The following TBC1D2B variants were observed in gnomAD, a reference collection of about 807,000 sequenced individuals.
TBC1D2B encodes the protein TBC1 domain family, member 2B.
In TBC1D2B, 64 loss-of-function variants were observed where a neutral mutation model predicts 100.8. That is an observed-to-expected ratio of 0.64 (90% CI 0.52 to 0.78). The LOEUF (loss-of-function observed/expected upper bound fraction) is 0.78, where lower values mean the gene tolerates loss of function less well. Ranked by LOEUF, TBC1D2B falls within the 30% of genes least tolerant of loss-of-function variation. The pLI, the probability that TBC1D2B is intolerant of heterozygous loss-of-function variation, is 0.00. For synonymous variants in TBC1D2B, 480 were observed against 479.7 expected (o/e 1.00, Z -0.01); for missense variants, 1,052 against 1,218.4 (o/e 0.86, Z 2.03).
chr15:77,999,719 C>T (rs1194368442), intron 12 of TBC1D2B, among the ~76,000 whole-genome samples: 7 of 152,186 alleles, frequency 4.6e-5, no homozygotes, highest in East Asian at 1.9e-4. Flanking sequence ...CTGCAGAACA[C>T]GAGCCCGAAG....
At chr15:78,047,691 A>G (rs1421211813) in intron 2 of TBC1D2B, among the ~76,000 whole-genome samples, 3 of 152,230 alleles carry the variant, frequency 2.0e-5, no homozygotes, top group African/African-American at 7.2e-5. Context: ...TACTTTCTCC[A>G]TCAGGACACT....
chr15:77,995,494 C>T lies in TBC1D2B; in HGVS notation c.*2666G>A, dbSNP rs556075602. ...GTCAGGGCCAGAGGGAAAAGCAACT[C>T]GGAGGCTGAGGCTGGCACAGATACA... On this transcript the variant is annotated 3_prime_UTR_variant, in exon 13 of 13. Transcript: ENST00000300584. 2.1e-3 allele frequency: 315 copies of T among 152,276 alleles called. No homozygotes were observed. The highest frequency in any genetic ancestry group is 7.1e-3 in the African/African-American group (295 of 41,464). The allele number at this position is 152,276 out of a possible 1,614,324, so 9.4% of individuals were successfully genotyped here. A position where few individuals can be genotyped will look rare whatever the true frequency, so the allele number is the denominator to read the frequency against.
At chr15:78,028,260 A>C (rs2072721998) in intron 4 of TBC1D2B, among the ~76,000 whole-genome samples, 1 of 152,184 alleles carries the variant, frequency 6.6e-6, no homozygotes, top group Non-Finnish European at 1.5e-5. Context: ...AAATCACCTG[A>C]GGTCAAGAGT....
intron 1 of TBC1D2B, among the ~76,000 whole-genome samples, chr15:78,075,511 A>C (rs1323982252): frequency 6.6e-6 from 1 of 152,200 alleles, no homozygotes; most frequent in Non-Finnish European, 1.5e-5. Flanking sequence ...AAACTGATAG[A>C]GTTCTACAGT....
intron 3 of TBC1D2B, among the ~76,000 whole-genome samples, chr15:78,034,053 G>A (rs1157373585): frequency 6.6e-6 from 1 of 152,126 alleles, no homozygotes; most frequent in Non-Finnish European, 1.5e-5. Context: ...GGACCAACAC[G>A]GAGCTGGTAA....
At chr15:78,044,755 A>T in intron 3 of TBC1D2B, 145 bp downstream of exon 3, 2 of 745,552 alleles carry the variant, frequency 2.7e-6, no homozygotes, top group Non-Finnish European at 4.2e-6. Context: ...AGCTAAAACC[A>T]CAATGATCTA....
rs2071765967 is a variant in TBC1D2B at position 77,996,605 on chromosome 15, CAGTGAAACATTAGTGGAGTTGGTTAA to C, written c.*1529_*1554del. Reference sequence around the variant, plus strand: ...AATATAGAGGCCAGCTCCGTCTACCCAGTGAAACATTAGTGGAGTTGGTTAAAGACACGAAGCCGGAGCTCACTCTA... The same window carrying C: ...AATATAGAGGCCAGCTCCGTCTACCCAGACACGAAGCCGGAGCTCACTCTA... On this transcript the variant is annotated 3_prime_UTR_variant, in exon 13 of 13. Transcript: ENST00000300584. The C allele has an allele frequency of 6.6e-6, 1 of 152,252 alleles. No individual in the cohort carries two copies. Among genetic ancestry groups the C allele is most frequent in the African/African-American group, 2.4e-5 (1 of 41,454 alleles). 9.4% of individuals were successfully genotyped at this position (152,252 alleles called of 1,614,324 possible).
intron 1 of TBC1D2B, among the ~76,000 whole-genome samples, chr15:78,074,110 G>A (rs765368622): frequency 2.0e-5 from 3 of 146,576 alleles, no homozygotes; most frequent in Admixed American, 6.8e-5. Flanking sequence ...TGCAACCTCC[G>A]CCTCCCGGGT....
At chr15:78,010,253 C>T (rs1488420230) in intron 9 of TBC1D2B, among the ~76,000 whole-genome samples, 1 of 152,118 alleles carries the variant, frequency 6.6e-6, no homozygotes, top group African/African-American at 2.4e-5. Context: ...CTTTGTTGTT[C>T]ATAACGGAAA....
At chr15:78,077,261 C>G in intron 1 of TBC1D2B, 32 bp downstream of exon 1, 1 of 1,405,294 alleles carries the variant, frequency 7.1e-7, no homozygotes, top group Non-Finnish European at 9.2e-7. Context: ...CCGGCGGAAG[C>G]GCGCGGGCGG....
intron 3 of TBC1D2B, among the ~76,000 whole-genome samples, chr15:78,040,855 G>GAAGGAAGGAAGAAAGAAAGAAAGA (rs71447186): frequency 8.8e-4 from 66 of 74,732 alleles, no homozygotes; most frequent in East Asian, 4.8e-3. Flanking sequence ...AGAAAGAAAG[G>GAAGGAAGGAAGAAAGAAAGAAAGA]AAGAAAGAAA....
At chr15:78,029,024 G>T (rs11638311) in intron 4 of TBC1D2B, among the ~76,000 whole-genome samples, 76,398 of 151,834 alleles carry the variant, frequency 0.5, 20,130 homozygotes, top group East Asian at 0.63. Flanking sequence ...AGGATTTATT[G>T]TAACTGTAAA....
intron 3 of TBC1D2B, among the ~76,000 whole-genome samples, chr15:78,042,546 C>T (rs1364138511): frequency 6.6e-6 from 1 of 152,160 alleles, no homozygotes; most frequent in Non-Finnish European, 1.5e-5. Context: ...AAGCCCAATA[C>T]TTTGAAACAG....
At chr15:78,009,923 C>T (rs920475072) in intron 9 of TBC1D2B, among the ~76,000 whole-genome samples, 3 of 147,568 alleles carry the variant, frequency 2.0e-5, no homozygotes, top group Admixed American at 6.9e-5. Context: ...TGCAGTGAGC[C>T]GAGATAGCTC....
Position 77,998,244 on chromosome 15 carries a change from C to A in TBC1D2B, c.2808G>T (p.Glu936Asp), listed in dbSNP as rs780065774. 2.5e-6 allele frequency: 4 copies of A among 1,593,568 alleles called. No homozygotes were observed. The highest frequency in any genetic ancestry group is 3.4e-6 in the Non-Finnish European group (4 of 1,171,034). ...EKVRLELTEL[E>D]AIREDFLRER... ...CACGCAGGAAGTCCTCACGGATGGC[C>A]TCCAGCTCGGTCAGCTCCAGCCGGA... Residue 936 changes from glutamate to aspartate, a missense_variant, in exon 13 of 13, where the codon GAG (glutamate) becomes GAT (aspartate). Physicochemically the swap from Glu to Asp is conservative, Grantham distance 45. Around this residue, in one of 4 missense-constraint regions of TBC1D2B, gnomAD observed 47 missense variants for 88.3 expected, o/e 0.53. Transcript: ENST00000300584.
In TBC1D2B at chr15:77,997,059, G is replaced by A. The variant is rs1160266769; in HGVS notation, c.*1101C>T. On this transcript the variant is annotated 3_prime_UTR_variant, in exon 13 of 13. Transcript: ENST00000300584. ...GCAGTGGTGGGGTGGGCACACATCTGGGAGAGCTCACCCAAGCCTGCCCCA... is the reference window on the plus strand; with the variant it reads ...GCAGTGGTGGGGTGGGCACACATCTAGGAGAGCTCACCCAAGCCTGCCCCA... 6.6e-6 allele frequency: 1 copy of A among 152,280 alleles called. No homozygotes were observed. The highest frequency in any genetic ancestry group is 2.4e-5 in the African/African-American group (1 of 41,462). 9.4% of individuals were successfully genotyped at this position (152,280 alleles called of 1,614,324 possible).
chr15:78,052,510 G>A (rs1006195351), intron 2 of TBC1D2B, among the ~76,000 whole-genome samples: 3 of 152,188 alleles, frequency 2.0e-5, no homozygotes, highest in African/African-American at 7.2e-5. Context: ...CAAAGGAGGA[G>A]AAACAAATAT....
chr15:78,066,420 A>C (rs1455423303), intron 1 of TBC1D2B, among the ~76,000 whole-genome samples: 1 of 152,164 alleles, frequency 6.6e-6, no homozygotes. Context: ...CATCGGGAGG[A>C]GAGCAGTGTT....
chr15:78,003,026 G>A, intron 11 of TBC1D2B: 1 of 303,474 alleles, frequency 3.3e-6, no homozygotes, highest in Non-Finnish European at 6.4e-6. Context: ...AACACCACCA[G>A]CCATTTGACA....
Sources: gnomAD v4.1 joint callset for allele counts (sites outside exome capture counted in the v4.1 genomes callset) on GRCh38, gnomAD v4.1.1 for gene constraint, gnomAD v4.1.1 regional missense constraint, MANE v1.5 for transcripts, NCBI Gene and HGNC (gene_info 2026-07-23, HGNC 2026-07-21) for gene names.